Variants in JAM3 observed in about 807,000 individuals in gnomAD.
The protein encoded by JAM3 is junctional adhesion molecule 3, also known as junctional adhesion molecule C.
Under a neutral mutation model 39.4 loss-of-function variants are expected in JAM3, and 31 were observed. That is an observed-to-expected ratio of 0.79 (90% CI 0.59 to 1.06). The LOEUF (loss-of-function observed/expected upper bound fraction) is 1.06, where lower values mean the gene tolerates loss of function less well. Ranked by LOEUF, JAM3 falls within the 50% of genes least tolerant of loss-of-function variation. The probability of loss-of-function intolerance (pLI) is 0.00; values close to 1 mark genes in which losing one functional copy is unlikely to be tolerated. For synonymous variants in JAM3, 182 were observed against 148.7 expected (o/e 1.22, Z -1.63); for missense variants, 455 against 391.4 (o/e 1.16, Z -1.37).
intron 1 of JAM3, among the ~76,000 whole-genome samples, chr11:134,127,590 C>T (rs1017284873): frequency 6.6e-6 from 1 of 152,172 alleles, no homozygotes; most frequent in Non-Finnish European, 1.5e-5. Flanking sequence ...GTCCCAGCTA[C>T]TCTGGAGGCT....
chr11:134,108,489 G>A (rs1942245055), intron 1 of JAM3, among the ~76,000 whole-genome samples: 1 of 152,088 alleles, frequency 6.6e-6, no homozygotes. Context: ...AAATCTACAG[G>A]CCAATTTCCC....
chr11:134,143,976 G>A (rs1263533414), intron 3 of JAM3, among the ~76,000 whole-genome samples: 1 of 152,158 alleles, frequency 6.6e-6, no homozygotes. Context: ...AGGAGGAGGT[G>A]AAGTTCCTGG....
intron 1 of JAM3, among the ~76,000 whole-genome samples, chr11:134,122,580 T>G (rs1225032736): frequency 6.6e-6 from 1 of 152,208 alleles, no homozygotes; most frequent in Non-Finnish European, 1.5e-5. Context: ...TACCCTGTTA[T>G]GGCCTGTGGA....
chr11:134,091,301 C>G (rs538823492), intron 1 of JAM3, among the ~76,000 whole-genome samples: 1 of 152,200 alleles, frequency 6.6e-6, no homozygotes, highest in East Asian at 1.9e-4. Context: ...TGAGACCATA[C>G]TGGCTAACAC....
chr11:134,145,193 A>G, intron 5 of JAM3, 199 bp downstream of exon 5: 1 of 619,168 alleles, frequency 1.6e-6, no homozygotes, highest in Non-Finnish European at 2.9e-6. Flanking sequence ...TAAAATAAGG[A>G]AGAGAAAGAA....
chr11:134,120,657 C>T lies in JAM3; in HGVS notation c.77-19194C>T, dbSNP rs963542996. ...TGCTCTGCTATTCCGATGAGTTTCA[C>T]TACCACAAGGAAAGAGGACGGGGAG... On this transcript the variant is annotated intron_variant, in intron 1 of 8. Transcript: ENST00000299106. 2.6e-5 allele frequency among the ~76,000 whole-genome samples: 4 copies of T among 152,294 alleles called. No individual in the cohort carries two copies. The South Asian group carries it at 8.3e-4, about 32-fold the overall frequency.
chr11:134,084,487 AAC>A (rs1432507402), intron 1 of JAM3, among the ~76,000 whole-genome samples: 1 of 152,218 alleles, frequency 6.6e-6, no homozygotes, highest in African/African-American at 2.4e-5. Context: ...TAACAAAAAT[AAC>A]ACAAATTAAA....
chr11:134,108,861 A>T (rs1231177463), intron 1 of JAM3, among the ~76,000 whole-genome samples: 8 of 152,218 alleles, frequency 5.3e-5, no homozygotes, highest in African/African-American at 1.2e-4. Context: ...AAAATTAGGA[A>T]TAGAGGGAGT....
intron 1 of JAM3, among the ~76,000 whole-genome samples, chr11:134,084,740 A>T (rs1211332650): frequency 5.9e-5 from 9 of 152,224 alleles, no homozygotes; most frequent in Non-Finnish European, 1.2e-4. Context: ...CCCCTCGCTT[A>T]CAAAGGAACC....
chr11:134,071,091 A>G (rs182596161), intron 1 of JAM3, among the ~76,000 whole-genome samples: 2 of 152,080 alleles, frequency 1.3e-5, no homozygotes, highest in South Asian at 4.2e-4. Context: ...ATTTTTTATG[A>G]TTATTCTCAA....
intron 1 of JAM3, among the ~76,000 whole-genome samples, chr11:134,114,889 G>A (rs12287983): frequency 3.4e-4 from 52 of 152,250 alleles, no homozygotes; most frequent in Non-Finnish European, 6.9e-4. Context: ...TTAAAAATCA[G>A]CATTCTTACT....
intron 1 of JAM3, among the ~76,000 whole-genome samples, chr11:134,124,734 C>T (rs1942610214): frequency 6.6e-6 from 1 of 152,140 alleles, no homozygotes; most frequent in African/African-American, 2.4e-5. Context: ...AAAAAGCCAG[C>T]TATTTCTGAG....
At position 134,112,577 on chromosome 11, in the gene JAM3, C is replaced by T. The variant is rs540703023; in HGVS notation, c.77-27274C>T. Among the ~76,000 whole-genome samples the T allele has an allele frequency of 1.2e-4, 18 of 152,260 alleles. No individual in the cohort carries two copies. The East Asian group carries it at 3.5e-3, about 29-fold the overall frequency. ...TTGCTAACATTTCCTGCAGTATATA[C>T]TATGTGTCCACCACCAAGTTCCTTA... is the stretch of plus-strand genomic sequence containing the variant. On this transcript the variant is annotated intron_variant, in intron 1 of 8. Coordinates refer to ENST00000299106, the MANE Select transcript of JAM3 (RefSeq NM_032801.5).
chr11:134,146,571 C>G (rs1184302772), intron 6 of JAM3, among the ~76,000 whole-genome samples: 1 of 150,046 alleles, frequency 6.7e-6, no homozygotes, highest in Non-Finnish European at 1.5e-5. Context: ...TCTTAAAAAA[C>G]AAAAAACAAA....
In JAM3 at chr11:134,149,265, G is replaced by A. The variant is rs1037707945; in HGVS notation, c.*84G>A. On this transcript the variant is annotated 3_prime_UTR_variant, in exon 9 of 9. Transcript: ENST00000299106. ...TCCTGTCAAGGCAGCGAGAGCTGAT[G>A]CACTCGGACAGAGCTAGACACTCAT... 1.0e-5 allele frequency: 16 copies of A among 1,526,726 alleles called. 2 individuals carry two copies. In the Admixed American group the frequency reaches 2.1e-4, roughly 20 times the overall value. The allele number at this position is 1,526,726 out of a possible 1,614,324, so 94.6% of individuals were successfully genotyped here. A position where few individuals can be genotyped will look rare whatever the true frequency, so the allele number is the denominator to read the frequency against.
At chr11:134,074,259 G>T in intron 1 of JAM3, among the ~76,000 whole-genome samples, 1 of 152,102 alleles carries the variant, frequency 6.6e-6, no homozygotes, top group East Asian at 1.9e-4. Flanking sequence ...TTGTTTTCCT[G>T]GTTGATTCTT....
intron 1 of JAM3, among the ~76,000 whole-genome samples, chr11:134,081,033 C>G (rs558741003): frequency 6.6e-6 from 1 of 152,204 alleles, no homozygotes; most frequent in African/African-American, 2.4e-5. Flanking sequence ...CATTTTGCCC[C>G]TGCCCTAGAG....
intron 1 of JAM3, among the ~76,000 whole-genome samples, chr11:134,138,762 A>G (rs1942919912): frequency 6.6e-6 from 1 of 152,228 alleles, no homozygotes; most frequent in Admixed American, 6.5e-5. Flanking sequence ...ATTCAGGTAT[A>G]TTACACTTCT....
chr11:134,125,855 A>G (rs1461540810), intron 1 of JAM3, among the ~76,000 whole-genome samples: 1 of 152,174 alleles, frequency 6.6e-6, no homozygotes, highest in Non-Finnish European at 1.5e-5. Context: ...CATCAGTCCT[A>G]CAAGCTGGTT....
Sources: gnomAD v4.1 joint callset for allele counts (sites outside exome capture counted in the v4.1 genomes callset) on GRCh38, gnomAD v4.1.1 for gene constraint, MANE v1.5 for transcripts, NCBI Gene and HGNC (gene_info 2026-07-23, HGNC 2026-07-21) for gene names.